The following SRSF1 variants were observed in gnomAD, a reference collection of about 807,000 sequenced individuals.
SRSF1 encodes the protein serine/arginine-rich splicing factor 1.
Under a neutral mutation model 25.9 loss-of-function variants are expected in SRSF1, and 1 was observed. That is an observed-to-expected ratio of 0.04 (90% CI 0.01 to 0.18). SRSF1 has a LOEUF of 0.18. SRSF1 is among the 10% of genes least tolerant of loss of function. The pLI is 1.00. For synonymous variants in SRSF1, 132 were observed against 126.2 expected (o/e 1.05, Z -0.31); for missense variants, 65 against 350.5 (o/e 0.19, Z 6.50).
chr17:58,006,146 C>T lies in SRSF1; in HGVS notation c.380-173G>A, dbSNP rs2075425510. ...ATCCAGAGTCCAAAATTATTTGTAA[C>T]GATCTTCGTATCTAGTACCGCAACC... On this transcript the variant is annotated intron_variant, in intron 2 of 3. Transcript: ENST00000258962. The T allele has an allele frequency of 9.4e-6, 9 of 955,570 alleles. No individual in the cohort carries two copies. In the East Asian group the frequency reaches 2.4e-4, roughly 25 times the overall value. The allele number at this position is 955,570 out of a possible 1,614,324, so 59.2% of individuals were successfully genotyped here. A position where few individuals can be genotyped will look rare whatever the true frequency, so the allele number is the denominator to read the frequency against.
the SRSF1 span, chr17:57,994,064 G>GTTATCCCTGTCTTTTAGCAGTTCATACT: frequency 6.6e-6 from 1 of 152,218 alleles, no homozygotes; most frequent in Non-Finnish European, 1.5e-5. Flanking sequence ...CAGAATACAC[G>GTTATCCCTGTCTTTTAGCAGTTCATACT]TTATCCCTGT....
Position 58,002,176 on chromosome 17 carries a change from A to T in SRSF1, c.*3230T>A, listed in dbSNP as rs1472433413. On this transcript the variant is annotated 3_prime_UTR_variant, in exon 4 of 4. Transcript: ENST00000258962. ...GTCATGTAAAATTATTCAAATTTTT[A>T]AACAGTAAATCTGCCTTTTGGCCAT... is the stretch of plus-strand genomic sequence containing the variant. 6.6e-6 allele frequency among the ~76,000 whole-genome samples: 1 copy of T among 152,248 alleles called. No homozygotes were observed. The highest frequency in any genetic ancestry group is 2.4e-5 in the African/African-American group (1 of 41,452).
chr17:58,007,170 G>A lies in SRSF1; in HGVS notation c.-33C>T, dbSNP rs1449802390. 2 of 1,611,026 alleles carry A rather than the reference G, an allele frequency of 1.2e-6. No homozygotes were observed. Among genetic ancestry groups the A allele is most frequent in the South Asian group, 2.2e-5 (2 of 90,992 alleles). Reference sequence around the variant, plus strand: ...ACGAAAAGCGCGGACTCGAGAACAGGCCTTCCCACCAAGCCTAGCGCACGG... The same window carrying A: ...ACGAAAAGCGCGGACTCGAGAACAGACCTTCCCACCAAGCCTAGCGCACGG... On this transcript the variant is annotated 5_prime_UTR_variant, in exon 1 of 4. Transcript: ENST00000258962.
chr17:57,998,263 CA>C (rs2075372561), downstream of SRSF1, among the ~76,000 whole-genome samples: 1 of 152,096 alleles, frequency 6.6e-6, no homozygotes, highest in East Asian at 1.9e-4. Flanking sequence ...TTTTATAGTT[CA>C]AATTTCTACC....
the SRSF1 span, chr17:57,992,588 C>T: frequency 1.3e-5 from 2 of 152,292 alleles, no homozygotes; most frequent in Non-Finnish European, 2.9e-5. Context: ...AAATACAACC[C>T]ACCAGTTAAG....
At chr17:58,006,285 G>T in intron 2 of SRSF1, 58 bp downstream of exon 2, 1 of 1,533,198 alleles carries the variant, frequency 6.5e-7, no homozygotes, top group Non-Finnish European at 8.8e-7. Flanking sequence ...TCACGCAAGA[G>T]AAAAATTTTA....
rs372132653 is a variant in SRSF1 at position 58,002,537 on chromosome 17, A to G, written c.*2869T>C. Reference sequence around the variant, plus strand: ...GACAAATACAAGAAGTAGCAGGCTAAAAGTTTTTAACTGCTTTGGTAGAGA... The same window carrying G: ...GACAAATACAAGAAGTAGCAGGCTAGAAGTTTTTAACTGCTTTGGTAGAGA... On this transcript the variant is annotated 3_prime_UTR_variant, in exon 4 of 4. Coordinates refer to ENST00000258962, the MANE Select transcript of SRSF1 (RefSeq NM_006924.5). 6.6e-6 allele frequency among the ~76,000 whole-genome samples: 1 copy of G among 152,246 alleles called. No homozygotes were observed. Among genetic ancestry groups the G allele is most frequent in the Non-Finnish European group, 1.5e-5 (1 of 68,046 alleles).
At chr17:58,000,553 A>G (rs540866081), downstream of SRSF1, among the ~76,000 whole-genome samples, 1 of 152,286 alleles carries the variant, frequency 6.6e-6, no homozygotes, top group East Asian at 1.9e-4. Flanking sequence ...TGAGTCCACT[A>G]TTACAACAGA....
At position 58,002,555 on chromosome 17, in the gene SRSF1, G is replaced by C. The variant is rs1289151261; in HGVS notation, c.*2851C>G. Among the ~76,000 whole-genome samples, 1 of 152,200 alleles carries C rather than the reference G, an allele frequency of 6.6e-6. No individual in the cohort carries two copies. Among genetic ancestry groups the C allele is most frequent in the Non-Finnish European group, 1.5e-5 (1 of 68,038 alleles). On this transcript the variant is annotated 3_prime_UTR_variant, in exon 4 of 4. Transcript: ENST00000258962. ...CAGGCTAAAAGTTTTTAACTGCTTT[G>C]GTAGAGAACACCAAAGTTTTTGGTA...
rs1442942173 is a variant in SRSF1 at position 58,003,620 on chromosome 17, CA to C, written c.*1785del. On this transcript the variant is annotated 3_prime_UTR_variant, in exon 4 of 4. Transcript: ENST00000258962. Reference sequence around the variant, plus strand: ...TGACTTACTGATTTACTATTTTAAACAAACCCCCCCTTTCCCCTTTAAATGT... The same window carrying C: ...TGACTTACTGATTTACTATTTTAAACAACCCCCCCTTTCCCCTTTAAATGT... 1 of 152,198 alleles carries C rather than the reference CA, an allele frequency of 6.6e-6. No individual in the cohort carries two copies. Among genetic ancestry groups the C allele is most frequent in the Non-Finnish European group, 1.5e-5 (1 of 68,010 alleles). The allele number at this position is 152,198 out of a possible 1,614,324, so 9.4% of individuals were successfully genotyped here.
downstream of SRSF1, among the ~76,000 whole-genome samples, chr17:57,998,829 G>T (rs367935355): frequency 2.0e-5 from 3 of 152,282 alleles, no homozygotes; most frequent in East Asian, 5.8e-4. Flanking sequence ...CTTTGAAACA[G>T]ACTGATTTTC....
At position 58,000,953 on chromosome 17, in the gene SRSF1, A is replaced by G. The variant is rs759033686; in HGVS notation, c.*4453T>C. Among the ~76,000 whole-genome samples the G allele has an allele frequency of 6.6e-6, 1 of 152,156 alleles. No homozygotes were observed. The highest frequency in any genetic ancestry group is 6.5e-5 in the Admixed American group (1 of 15,270). ...GGGTTCACATTTAATTAGCTCAACA[A>G]CAGAAAATCTTTTGTTTTCGTAGTT... On this transcript the variant is annotated 3_prime_UTR_variant, in exon 4 of 4. Transcript: ENST00000258962.
At chr17:57,989,041 T>C in the SRSF1 span, 2 of 375,434 alleles carry the variant, frequency 5.3e-6, no homozygotes, top group Non-Finnish European at 9.1e-6. Context: ...AGTGAGATAG[T>C]ATAGACAAAT....
downstream of SRSF1, among the ~76,000 whole-genome samples, chr17:58,000,152 TATA>T (rs1436890861): frequency 2.6e-5 from 4 of 152,192 alleles, no homozygotes; most frequent in Non-Finnish European, 4.4e-5. Flanking sequence ...GAGTGATTTT[TATA>T]ATAATTAAAA....
At chr17:58,006,045 G>T (rs1287474560) in intron 2 of SRSF1, 72 bp from the exon 3 acceptor site, 1 of 1,433,924 alleles carries the variant, frequency 7.0e-7, no homozygotes, top group Non-Finnish European at 9.5e-7. Context: ...AGGTACATTA[G>T]GACAAAGAGT....
rs535488542 is a variant in SRSF1 at position 58,001,215 on chromosome 17, G to T, written c.*4191C>A. Among the ~76,000 whole-genome samples, 6 of 152,240 alleles carry T rather than the reference G, an allele frequency of 3.9e-5. No individual in the cohort carries two copies. The highest frequency in any genetic ancestry group is 3.3e-4 in the Admixed American group (5 of 15,290). On this transcript the variant is annotated 3_prime_UTR_variant, in exon 4 of 4. Transcript: ENST00000258962. ...AGAAATCCACCTTGACCACAGAAATGTGAAAACACCAGCCCTAATGACCAA... is the reference window on the plus strand; with the variant it reads ...AGAAATCCACCTTGACCACAGAAATTTGAAAACACCAGCCCTAATGACCAA...
At chr17:58,006,907 C>G in intron 1 of SRSF1, 37 bp downstream of exon 1, 1 of 1,609,716 alleles carries the variant, frequency 6.2e-7, no homozygotes, top group Non-Finnish European at 8.5e-7. Context: ...CTACTCGGAC[C>G]TATTTCCTCA....
downstream of SRSF1, among the ~76,000 whole-genome samples, chr17:57,999,855 T>C (rs1474533112): frequency 1.3e-5 from 2 of 152,204 alleles, no homozygotes; most frequent in East Asian, 1.9e-4. Flanking sequence ...GTTTCCACTA[T>C]CTTCATGTCC....
At chr17:58,006,731 C>T in intron 1 of SRSF1, 1 of 890,262 alleles carries the variant, frequency 1.1e-6, no homozygotes, top group South Asian at 1.8e-5. Flanking sequence ...GTTTCCCGCT[C>T]CAGCCTGCGA....
Sources: gnomAD v4.1 joint callset for allele counts (sites outside exome capture counted in the v4.1 genomes callset) on GRCh38, gnomAD v4.1.1 for gene constraint, MANE v1.5 for transcripts, NCBI Gene and HGNC (gene_info 2026-07-23, HGNC 2026-07-21) for gene names.